PLCB1: variants seen among roughly 807,000 people sequenced by gnomAD.
PLCB1 encodes 1-phosphatidylinositol 4,5-bisphosphate phosphodiesterase beta-1.
A neutral mutation model predicts 161.8 loss-of-function variants in PLCB1; 46 were observed. The observed-to-expected ratio is 0.28, with a 90% CI of 0.22 to 0.36. The LOEUF (loss-of-function observed/expected upper bound fraction) is 0.36, where lower values mean the gene tolerates loss of function less well. PLCB1 is among the 10% of genes least tolerant of loss of function. The pLI is 1.00. For missense variants in PLCB1, 1,016 were observed against 1,472.5 expected, an observed-to-expected ratio of 0.69 and a Z score of 5.07; for synonymous variants, 517 against 503.7, an observed-to-expected ratio of 1.03 and a Z score of -0.35.
chr20:8,218,795 A>G (rs1979263717), intron 2 of PLCB1, among the ~76,000 whole-genome samples: 1 of 152,086 alleles, frequency 6.6e-6, no homozygotes, highest in South Asian at 2.1e-4. Context: ...ATATGGTGGG[A>G]AAGGGCCAGC....
chr20:8,276,929 CT>C (rs1982579794), intron 2 of PLCB1, among the ~76,000 whole-genome samples: 1 of 18,446 alleles, frequency 5.4e-5, no homozygotes, highest in Non-Finnish European at 1.5e-4. Context: ...TTCTTCTTTT[CT>C]TCTTCTTCTT....
At chr20:8,239,653 G>A (rs549283268) in intron 2 of PLCB1, among the ~76,000 whole-genome samples, 2 of 151,696 alleles carry the variant, frequency 1.3e-5, no homozygotes, top group South Asian at 2.1e-4. Flanking sequence ...GAGAAAAAGA[G>A]TATTGAATAG....
chr20:8,866,236 CT>C (rs1277987609), intron 31 of PLCB1, among the ~76,000 whole-genome samples: 1 of 152,138 alleles, frequency 6.6e-6, no homozygotes, highest in Non-Finnish European at 1.5e-5. Context: ...TAGCAGATGC[CT>C]TTTATTCAAG....
intron 9 of PLCB1, among the ~76,000 whole-genome samples, chr20:8,670,028 G>A (rs1232326939): frequency 1.3e-5 from 2 of 152,150 alleles, no homozygotes; most frequent in Admixed American, 6.5e-5. Flanking sequence ...CACTGTGACA[G>A]TGTACTCATA....
chr20:8,534,355 CTT>C (rs1482754952), intron 3 of PLCB1, among the ~76,000 whole-genome samples: 2 of 152,192 alleles, frequency 1.3e-5, no homozygotes, highest in Non-Finnish European at 2.9e-5. Context: ...TTGTGACAGA[CTT>C]TTAATGAAAC....
intron 2 of PLCB1, among the ~76,000 whole-genome samples, chr20:8,223,536 A>G (rs1359590150): frequency 1.3e-5 from 2 of 152,130 alleles, no homozygotes; most frequent in African/African-American, 4.8e-5. Context: ...TTTGAAATTC[A>G]GCCTTAAACT....
chr20:8,646,312 A>T (rs1239231780), intron 5 of PLCB1, 131 bp downstream of exon 5: 2 of 662,654 alleles, frequency 3.0e-6, no homozygotes, highest in Non-Finnish European at 5.4e-6. Flanking sequence ...TTTGGGATTT[A>T]TTAGAGAACT....
intron 11 of PLCB1, among the ~76,000 whole-genome samples, chr20:8,705,845 A>G (rs1978641134): frequency 6.6e-6 from 1 of 152,086 alleles, no homozygotes; most frequent in South Asian, 2.1e-4. Context: ...TGTGTAGATT[A>G]TGATAATGAA....
intron 2 of PLCB1, among the ~76,000 whole-genome samples, chr20:8,212,149 A>T (rs1978859148): frequency 6.6e-6 from 1 of 152,152 alleles, no homozygotes; most frequent in Non-Finnish European, 1.5e-5. Context: ...AGATGTTCCT[A>T]GTTTCTATGA....
chr20:8,295,147 G>A (rs1479163296), intron 2 of PLCB1, among the ~76,000 whole-genome samples: 2 of 152,080 alleles, frequency 1.3e-5, no homozygotes, highest in Non-Finnish European at 2.9e-5. Context: ...TTTTAACAAG[G>A]TGTTTTCTCC....
intron 27 of PLCB1, among the ~76,000 whole-genome samples, chr20:8,778,061 G>T (rs1049194369): frequency 2.0e-5 from 3 of 152,114 alleles, no homozygotes; most frequent in African/African-American, 7.2e-5. Flanking sequence ...TGAGATTTGG[G>T]TGGCACACAG....
chr20:8,845,809 T>C (rs1018285606), intron 31 of PLCB1, among the ~76,000 whole-genome samples: 2 of 152,188 alleles, frequency 1.3e-5, no homozygotes, highest in African/African-American at 4.8e-5. Flanking sequence ...TTAACCAACA[T>C]AATATAATTC....
At chr20:8,534,578 G>A (rs1428758818) in intron 3 of PLCB1, among the ~76,000 whole-genome samples, 2 of 150,790 alleles carry the variant, frequency 1.3e-5, no homozygotes, top group Non-Finnish European at 2.9e-5. Context: ...TGTGGAACTG[G>A]AGTGAAACAA....
At chr20:8,653,386 T>C (rs938515759) in intron 7 of PLCB1, 1 of 152,052 alleles carries the variant, frequency 6.6e-6, no homozygotes, top group African/African-American at 2.4e-5. Flanking sequence ...TAGTTGTGAT[T>C]CTTAATATGA....
chr20:8,311,453 G>C (rs973840298), intron 2 of PLCB1, among the ~76,000 whole-genome samples: 5 of 152,204 alleles, frequency 3.3e-5, no homozygotes, highest in Admixed American at 1.3e-4. Context: ...TATGTGGTCA[G>C]GGAGGATTTG....
At chr20:8,309,731 T>C in intron 2 of PLCB1, among the ~76,000 whole-genome samples, 1 of 152,204 alleles carries the variant, frequency 6.6e-6, no homozygotes, top group Middle Eastern at 3.2e-3. Context: ...TCCCTGCTGA[T>C]TGCCCTGAGC....
At chr20:8,582,000 C>T (rs73897137) in intron 3 of PLCB1, among the ~76,000 whole-genome samples, 12,648 of 152,238 alleles carry the variant, frequency 0.083, 933 homozygotes, top group East Asian at 0.29. Flanking sequence ...GAATAGGTTG[C>T]AGTTGGCCAT....
At chr20:8,644,882 GA>G (rs1268633532) in intron 4 of PLCB1, among the ~76,000 whole-genome samples, 1 of 152,218 alleles carries the variant, frequency 6.6e-6, no homozygotes, top group Non-Finnish European at 1.5e-5. Flanking sequence ...TTGTGGAATA[GA>G]AAGGGGGGAA....
chr20:8,647,921 A>C lies in PLCB1; in HGVS notation c.486A>C (p.Gln162His), dbSNP rs202085165. 6.2e-7 allele frequency: 1 copy of C among 1,601,442 alleles called. No homozygotes were observed. Among genetic ancestry groups the C allele is most frequent in the South Asian group, 1.1e-5 (1 of 88,378 alleles). ...LEKAYTKLKL[Q>H]VTPEGRIPLK... ...ACAGCTATACTAAACTTAAGCTGCA[A>C]GTCACTCCAGAAGGGCGTATTCCTC... The change falls in exon 6 of 32, where the codon CAA becomes CAC. Residue 162 changes from glutamine (Q) to histidine (H), a missense_variant. Physicochemically the swap from Gln to His is conservative, Grantham distance 24 (BLOSUM62 0). Around this residue, in one of 10 missense-constraint regions of PLCB1, gnomAD observed 181 missense variants for 236.7 expected, o/e 0.76. Coordinates refer to ENST00000338037, the MANE Select transcript of PLCB1 (RefSeq NM_015192.4).
Sources: allele counts gnomAD v4.1 joint callset (sites outside exome capture counted in the v4.1 genomes callset), GRCh38; gene constraint gnomAD v4.1.1; regional missense constraint gnomAD v4.1.1; transcripts MANE v1.5; gene names NCBI Gene and HGNC (gene_info 2026-07-23, HGNC 2026-07-21).